NKD1: variants seen among roughly 807,000 people sequenced by gnomAD.
NKD1 encodes protein naked cuticle homolog 1.
NKD1 carries 21 observed loss-of-function variants against 56.0 expected under a neutral mutation model. That is an observed-to-expected ratio of 0.38 (90% CI 0.27 to 0.54). The LOEUF is 0.54. Ranked by LOEUF, NKD1 falls within the 20% of genes least tolerant of loss-of-function variation. The pLI is 0.82. For missense variants in NKD1, 578 were observed against 642.7 expected, an observed-to-expected ratio of 0.90 and a Z score of 1.09; for synonymous variants, 263 against 265.7, an observed-to-expected ratio of 0.99 and a Z score of 0.10.
chr16:50,612,934 A>G (rs1381170632), intron 4 of NKD1, among the ~76,000 whole-genome samples: 1 of 152,058 alleles, frequency 6.6e-6, no homozygotes, highest in Non-Finnish European at 1.5e-5. Context: ...GAAGAGGGCA[A>G]TGAAACCAGG....
chr16:50,603,229 G>A (rs1961635920), intron 3 of NKD1, among the ~76,000 whole-genome samples: 1 of 152,376 alleles, frequency 6.6e-6, no homozygotes, highest in East Asian at 1.9e-4. Context: ...CTGAGGGTGG[G>A]ACTGGGCCCG....
At chr16:50,585,239 G>T (rs553613200) in intron 3 of NKD1, among the ~76,000 whole-genome samples, 15 of 152,356 alleles carry the variant, frequency 9.8e-5, no homozygotes, top group Admixed American at 6.5e-4. Context: ...AACCAAGGGG[G>T]ATAGCTAAAG....
chr16:50,631,890 A>C (rs768952083), intron 8 of NKD1, among the ~76,000 whole-genome samples: 6 of 152,210 alleles, frequency 3.9e-5, no homozygotes, highest in Non-Finnish European at 7.4e-5. Context: ...TCTGCTGCCC[A>C]CACCCCCTGA....
chr16:50,630,918 G>A lies in NKD1; in HGVS notation c.695+8G>A. On this transcript the variant is annotated splice_region_variant and intron_variant, in intron 8 of 9. Transcript: ENST00000268459. ...GCAGCGAGCCCCGCTCAGGTATGTG[G>A]GCATGGTGCACATGAGCATATGTTG... 6.4e-7 allele frequency: 1 copy of A among 1,570,230 alleles called. No individual in the cohort carries two copies.
At chr16:50,570,694 G>A (rs1960862232) in intron 3 of NKD1, 1 of 332,696 alleles carries the variant, frequency 3.0e-6, no homozygotes, top group Admixed American at 6.5e-5. Context: ...TGATACGTAG[G>A]ACAGTTATTA....
chr16:50,552,217 T>C (rs1960403823), intron 3 of NKD1: 2 of 152,270 alleles, frequency 1.3e-5, no homozygotes, highest in Non-Finnish European at 2.9e-5. Context: ...AGTGCCTATA[T>C]GTGTCAAGCA....
intron 3 of NKD1, among the ~76,000 whole-genome samples, chr16:50,569,689 T>C (rs1396173365): frequency 6.6e-6 from 1 of 151,878 alleles, no homozygotes; most frequent in Non-Finnish European, 1.5e-5. Context: ...TGCAGTAGGG[T>C]TGGTAATTAT....
At chr16:50,621,751 G>GT in intron 5 of NKD1, 43 bp downstream of exon 5, 1 of 1,459,006 alleles carries the variant, frequency 6.9e-7, no homozygotes, top group Non-Finnish European at 9.5e-7. Flanking sequence ...GATGAGATGG[G>GT]TTTTCTCAGC....
intron 3 of NKD1, chr16:50,562,215 A>C: frequency 1.6e-6 from 1 of 618,686 alleles, no homozygotes; most frequent in Non-Finnish European, 2.0e-6. Context: ...AGACCCTGAG[A>C]CGCTGCTGAA....
At chr16:50,608,426 G>C in intron 4 of NKD1, 66 bp downstream of exon 4, 1 of 1,121,786 alleles carries the variant, frequency 8.9e-7, no homozygotes, top group Non-Finnish European at 1.4e-6. Context: ...TCAGCTGGCC[G>C]TGTGCCCTGT....
chr16:50,624,354 G>T (rs1388386077), intron 5 of NKD1, among the ~76,000 whole-genome samples: 1 of 152,014 alleles, frequency 6.6e-6, no homozygotes. Flanking sequence ...CATTCCCTGG[G>T]GTCAGACACT....
chr16:50,606,872 G>A, intron 3 of NKD1: 1 of 456,662 alleles, frequency 2.2e-6, no homozygotes, highest in Non-Finnish European at 4.4e-6. Context: ...TGAAAGATGG[G>A]CTTCAATTGG....
In NKD1 at chr16:50,565,403, G is replaced by A. The variant is rs1378726441; in HGVS notation, c.192+15848G>A. 2.0e-5 allele frequency among the ~76,000 whole-genome samples: 3 copies of A among 152,132 alleles called. No homozygotes were observed. The South Asian group carries it at 6.3e-4, about 32-fold the overall frequency. Reference sequence around the variant, plus strand: ...AAAAAAAAGGTGATATAGAAGCCAGGTGCAGTGGCTCATGCTTGTAATCAC... The same window carrying A: ...AAAAAAAAGGTGATATAGAAGCCAGATGCAGTGGCTCATGCTTGTAATCAC... On this transcript the variant is annotated intron_variant, in intron 3 of 9. Transcript: ENST00000268459.
At chr16:50,597,595 G>A (rs1961501344) in intron 3 of NKD1, among the ~76,000 whole-genome samples, 1 of 152,018 alleles carries the variant, frequency 6.6e-6, no homozygotes, top group African/African-American at 2.4e-5. Flanking sequence ...AAACATTCTG[G>A]AAAACGCACC....
At position 50,549,500 on chromosome 16, in the gene NKD1, G is replaced by A; in HGVS notation, c.137G>A (p.Gly46Asp). Reference sequence around the variant, plus strand: ...ATCGGGAGACAGCGCTGCCCGGGCGGTGTCTCGGGACCCCGACAGCTGCGG... The same window carrying A: ...ATCGGGAGACAGCGCTGCCCGGGCGATGTCTCGGGACCCCGACAGCTGCGG... ...EWIGRQRCPG[G>D]VSGPRQLRLA... is the part of the protein sequence containing the mutation. Residue 46 changes from glycine (G) to aspartate (D), a missense_variant, in exon 3 of 10, where the codon GGT becomes GAT. Coordinates refer to ENST00000268459, the MANE Select transcript of NKD1 (RefSeq NM_033119.5). 3.7e-6 allele frequency: 6 copies of A among 1,609,040 alleles called. No individual in the cohort carries two copies. Among genetic ancestry groups the A allele is most frequent in the Non-Finnish European group, 5.1e-6 (6 of 1,177,778 alleles).
At chr16:50,610,021 T>C (rs986366478) in intron 4 of NKD1, among the ~76,000 whole-genome samples, 14 of 152,158 alleles carry the variant, frequency 9.2e-5, no homozygotes, top group Non-Finnish European at 1.6e-4. Flanking sequence ...GTTATCTGCA[T>C]TTCATGGTTA....
chr16:50,549,344 G>T (rs200194995), intron 2 of NKD1, 78 bp from the exon 3 acceptor site: 14 of 1,539,398 alleles, frequency 9.1e-6, no homozygotes, highest in African/African-American at 5.6e-5. Context: ...CTCCCACCGC[G>T]CCTCCTTCTT....
chr16:50,590,513 G>A (rs1961342070), intron 3 of NKD1, among the ~76,000 whole-genome samples: 1 of 152,144 alleles, frequency 6.6e-6, no homozygotes, highest in Non-Finnish European at 1.5e-5. Context: ...TATTTAACAA[G>A]CATTTATATG....
intron 3 of NKD1, among the ~76,000 whole-genome samples, chr16:50,568,166 G>A (rs1367183121): frequency 6.6e-5 from 10 of 152,156 alleles, no homozygotes; most frequent in Non-Finnish European, 2.9e-5. Context: ...ATTGGCTTGC[G>A]AAGGCCTGGG....
Sources: allele counts gnomAD v4.1 joint callset (sites outside exome capture counted in the v4.1 genomes callset), GRCh38; gene constraint gnomAD v4.1.1; transcripts MANE v1.5; gene names NCBI Gene and HGNC (gene_info 2026-07-23, HGNC 2026-07-21).